GRAMD2A: variants seen among roughly 807,000 people sequenced by gnomAD.
GRAMD2A encodes the protein GRAM domain-containing protein 2A.
Under a neutral mutation model 51.1 loss-of-function variants are expected in GRAMD2A, and 37 were observed. That is an observed-to-expected ratio of 0.72 (90% CI 0.56 to 0.95). The LOEUF (loss-of-function observed/expected upper bound fraction) is 0.95, where lower values mean the gene tolerates loss of function less well. GRAMD2A is among the 40% of genes least tolerant of loss of function. The pLI is 0.00. For synonymous variants in GRAMD2A, 136 were observed against 157.1 expected (o/e 0.87, Z 1.01); for missense variants, 414 against 426.9 (o/e 0.97, Z 0.27).
At chr15:72,162,041 G>A in intron 11 of GRAMD2A, 29 bp from the exon 12 acceptor site, 1 of 1,613,962 alleles carries the variant, frequency 6.2e-7, no homozygotes, top group South Asian at 1.1e-5. Flanking sequence ...TCCACATCAG[G>A]GAAAGGGCCC....
intron 1 of GRAMD2A, among the ~76,000 whole-genome samples, chr15:72,186,869 G>A (rs2081737701): frequency 6.6e-6 from 1 of 152,068 alleles, no homozygotes; most frequent in African/African-American, 2.4e-5. Flanking sequence ...GGTACAGACT[G>A]AATGCAGTGG....
chr15:72,194,923 G>A (rs1322226930), intron 1 of GRAMD2A, among the ~76,000 whole-genome samples: 1 of 152,120 alleles, frequency 6.6e-6, no homozygotes, highest in Admixed American at 6.6e-5. Flanking sequence ...CCTGACCTCA[G>A]GGGATCCACC....
intron 1 of GRAMD2A, among the ~76,000 whole-genome samples, chr15:72,185,673 C>T (rs779070338): frequency 2.6e-5 from 4 of 152,152 alleles, no homozygotes; most frequent in Non-Finnish European, 4.4e-5. Context: ...AATTAAGTAG[C>T]GAAGTATTAA....
intron 1 of GRAMD2A, among the ~76,000 whole-genome samples, chr15:72,181,094 AG>A (rs2081693667): frequency 6.6e-6 from 1 of 152,228 alleles, no homozygotes. Context: ...CCATATACAA[AG>A]GCCCCAAGGC....
At chr15:72,191,827 GA>G (rs373965175) in intron 1 of GRAMD2A, among the ~76,000 whole-genome samples, 31 of 151,616 alleles carry the variant, frequency 2.0e-4, no homozygotes, top group African/African-American at 7.3e-4. Flanking sequence ...AATTTGCAAG[GA>G]AAAAAGAAAA....
intron 1 of GRAMD2A, among the ~76,000 whole-genome samples, chr15:72,195,690 T>C (rs1294256742): frequency 1.3e-5 from 2 of 151,978 alleles, no homozygotes; most frequent in African/African-American, 2.4e-5. Flanking sequence ...GAGGCTGAGG[T>C]GAGCAGCTCA....
At position 72,169,860 on chromosome 15, in the gene GRAMD2A, G is replaced by A; in HGVS notation, c.121C>T (p.Pro41Ser). Residue 41 changes from proline (P) to serine (S), a missense_variant, in exon 2 of 12, where the codon CCC becomes TCC. Pro to Ser is a moderately conservative substitution (Grantham distance 74). Transcript: ENST00000309731. The stretch of plus-strand genomic sequence containing the variant: ...AGGGGTCCTCACCTGTAGTCCGGGG[G>A]CTCCTCAACTCTGTCTGGTTTCTCT... The part of the protein sequence containing the change: ...CKEKPDRVEE[P>S]PDYSLHWPEG... The A allele has an allele frequency of 6.2e-7, 1 of 1,613,086 alleles. No individual in the cohort carries two copies. Among genetic ancestry groups the A allele is most frequent in the Non-Finnish European group, 8.5e-7 (1 of 1,179,040 alleles).
intron 1 of GRAMD2A, among the ~76,000 whole-genome samples, chr15:72,180,832 G>A (rs2081691523): frequency 6.6e-6 from 1 of 152,198 alleles, no homozygotes; most frequent in Admixed American, 6.5e-5. Flanking sequence ...CACAGCCCAG[G>A]AGGGACAACA....
intron 10 of GRAMD2A, 51 bp downstream of exon 10, chr15:72,163,215 G>A (rs1365596113): frequency 7.9e-7 from 1 of 1,273,250 alleles, no homozygotes; most frequent in East Asian, 2.3e-5. Context: ...CTTGTTCCAA[G>A]CACCTAGACA....
chr15:72,168,719 G>A (rs940671565), intron 3 of GRAMD2A, among the ~76,000 whole-genome samples, 153 bp from the exon 4 acceptor site: 2 of 152,280 alleles, frequency 1.3e-5, no homozygotes, highest in East Asian at 1.9e-4. Flanking sequence ...ATGGAGGGCT[G>A]TGTGCCAAGC....
At chr15:72,190,561 A>G (rs2081761428) in intron 1 of GRAMD2A, among the ~76,000 whole-genome samples, 1 of 152,196 alleles carries the variant, frequency 6.6e-6, no homozygotes, top group African/African-American at 2.4e-5. Flanking sequence ...ATATTGCAAG[A>G]TTCATTAACT....
At chr15:72,183,864 G>T (rs544382766) in intron 1 of GRAMD2A, among the ~76,000 whole-genome samples, 5 of 152,150 alleles carry the variant, frequency 3.3e-5, no homozygotes, top group Non-Finnish European at 5.9e-5. Context: ...GACAACTTTG[G>T]TGCAGTAGTG....
At chr15:72,179,334 G>C (rs1301818970) in intron 1 of GRAMD2A, among the ~76,000 whole-genome samples, 1 of 152,244 alleles carries the variant, frequency 6.6e-6, no homozygotes, top group African/African-American at 2.4e-5. Flanking sequence ...GAGCCGGCCT[G>C]TCAGATTCCC....
At chr15:72,163,872 T>C (rs2081510480) in intron 8 of GRAMD2A, 115 bp from the exon 9 acceptor site, 1 of 1,103,888 alleles carries the variant, frequency 9.1e-7, no homozygotes, top group African/African-American at 1.6e-5. Flanking sequence ...TATAGATGCC[T>C]AGCCAGGGAT....
intron 8 of GRAMD2A, 38 bp downstream of exon 8, chr15:72,165,316 T>C (rs762900037): frequency 3.4e-5 from 55 of 1,600,028 alleles, no homozygotes; most frequent in Non-Finnish European, 4.7e-5. Flanking sequence ...CCAGGCACTG[T>C]CAGTCCAGCA....
rs773313190 is a variant in GRAMD2A, at chr15:72,169,893, A to T, written c.88T>A (p.Ser30Thr). The T allele has an allele frequency of 2.5e-6, 4 of 1,614,094 alleles. No individual in the cohort carries two copies. The African/African-American group carries it at 4.0e-5, about 16-fold the overall frequency. ...RKTASLNSPV[S>T]CKEKPDRVEE... is the part of the protein sequence containing the mutation. Reference sequence around the variant, plus strand: ...ACTCTGTCTGGTTTCTCTTTGCAGGACACAGGACTGTTCAGAGAAGCTGTC... The same window carrying T: ...ACTCTGTCTGGTTTCTCTTTGCAGGTCACAGGACTGTTCAGAGAAGCTGTC... Residue 30 changes from serine (S) to threonine (T), a missense_variant, in exon 2 of 12, where the codon TCC becomes ACC. Transcript: ENST00000309731.
chr15:72,164,893 C>A (rs1425221264), intron 8 of GRAMD2A, among the ~76,000 whole-genome samples: 1 of 152,188 alleles, frequency 6.6e-6, no homozygotes, highest in African/African-American at 2.4e-5. Context: ...AATCCCAGCA[C>A]TTTGGGAGGC....
Position 72,170,286 on chromosome 15 carries a change from G to C in GRAMD2A, c.42-347C>G. On this transcript the variant is annotated intron_variant, in intron 1 of 11. Transcript: ENST00000309731. This position sits in a 1 kb window ranked among gnomAD's most constrained non-coding sequence, Gnocchi z 4.5. ...CCCCACCCTTGAGGAGGCACACTGAGAGGGAGGACCCTGAGACTCGCTTAT... is the reference window on the plus strand; with the variant it reads ...CCCCACCCTTGAGGAGGCACACTGACAGGGAGGACCCTGAGACTCGCTTAT... 1 of 497,438 alleles carries C rather than the reference G, an allele frequency of 2.0e-6. No individual in the cohort carries two copies. Among genetic ancestry groups the C allele is most frequent in the South Asian group, 1.5e-5 (1 of 64,922 alleles). The allele number at this position is 497,438 out of a possible 1,614,324, so 30.8% of individuals were successfully genotyped here. A position where few individuals can be genotyped will look rare whatever the true frequency, so the allele number is the denominator to read the frequency against.
chr15:72,178,077 A>C (rs2081668254), intron 1 of GRAMD2A, among the ~76,000 whole-genome samples: 1 of 152,158 alleles, frequency 6.6e-6, no homozygotes, highest in Non-Finnish European at 1.5e-5. Context: ...CCAGCCAACT[A>C]AGAAACCATG....
Sources: gnomAD v4.1 joint callset for allele counts (sites outside exome capture counted in the v4.1 genomes callset) on GRCh38, gnomAD v4.1.1 for gene constraint, Gnocchi (gnomAD v3.1) non-coding constraint, MANE v1.5 for transcripts, NCBI Gene and HGNC (gene_info 2026-07-23, HGNC 2026-07-21) for gene names.